Variants in ZNF419 observed in about 807,000 individuals in gnomAD.
ZNF419 encodes the protein zinc finger protein 419A.
Under a neutral mutation model 14.9 loss-of-function variants are expected in ZNF419, and 8 were observed. That is an observed-to-expected ratio of 0.54 (90% CI 0.32 to 0.97). The LOEUF is 0.97. Ranked by LOEUF, ZNF419 falls within the 50% of genes least tolerant of loss-of-function variation. The pLI is 0.04. For missense variants in ZNF419, 595 were observed against 607.2 expected (o/e 0.98, Z 0.21); for synonymous variants, 211 against 205.3 (o/e 1.03, Z -0.24).
rs1374176360 is a variant in ZNF419 at position 57,491,486 on chromosome 19, G to A, written c.88G>A (p.Glu30Lys). 6.8e-6 allele frequency: 11 copies of A among 1,613,988 alleles called. No homozygotes were observed. The highest frequency in any genetic ancestry group is 1.7e-5 in the Admixed American group (1 of 60,006). ...ATCTTAGCAGGGCTATGTGACCTTT[G>A]AGGATGTGGCTGTCTACTTCTCCCA... ...TDHEEGYVTF[E>K]DVAVYFSQEE... The change falls in exon 3 of 5, where the codon GAG becomes AAG. Residue 30 changes from glutamate to lysine, a missense_variant. Transcript: ENST00000221735.
rs1041420033 is a variant in ZNF419 at position 57,494,406 on chromosome 19, G to C, written c.*316G>C. 1 of 301,348 alleles carries C rather than the reference G, an allele frequency of 3.3e-6. No homozygotes were observed. Among genetic ancestry groups the C allele is most frequent in the Non-Finnish European group, 5.9e-6 (1 of 169,118 alleles). 18.7% of individuals were successfully genotyped at this position (301,348 alleles called of 1,614,324 possible). A position where few individuals can be genotyped will look rare whatever the true frequency, so the allele number is the denominator to read the frequency against. ...GGCCTTTATGAGGGAGCTGGCAATT[G>C]AACATCATTCATCTAAATATGCACA... On this transcript the variant is annotated 3_prime_UTR_variant, in exon 5 of 5. Transcript: ENST00000221735.
In ZNF419 at chr19:57,490,188, A is replaced by T; in HGVS notation, c.72+3A>T. On this transcript the variant is annotated splice_donor_region_variant and intron_variant, in intron 2 of 4. Transcript: ENST00000221735. ...ACTTGCTTACAGACCATGAGGAGGT[A>T]AGTGGAGGATGTCTCAGGTCCTCAC... The T allele has an allele frequency of 6.2e-7, 1 of 1,613,420 alleles. No individual in the cohort carries two copies. Among genetic ancestry groups the T allele is most frequent in the Non-Finnish European group, 8.5e-7 (1 of 1,179,746 alleles).
rs2089588592 is a variant in ZNF419, at chr19:57,494,748, T to A, written c.*658T>A. 1 of 176,834 alleles carries A rather than the reference T, an allele frequency of 5.7e-6. No individual in the cohort carries two copies. The highest frequency in any genetic ancestry group is 2.4e-5 in the African/African-American group (1 of 42,406). The allele number at this position is 176,834 out of a possible 1,614,324, so 11.0% of individuals were successfully genotyped here. On this transcript the variant is annotated 3_prime_UTR_variant, in exon 5 of 5. Transcript: ENST00000221735. ...CTGTGTAACAGGTCTGCAAAGCTCC[T>A]CATTCAGTTATTCTGTAAGTTGATC...
chr19:57,491,133 C>A (rs2089471632), intron 2 of ZNF419: 1 of 350,110 alleles, frequency 2.9e-6, no homozygotes, highest in Non-Finnish European at 5.4e-6. Context: ...AACAGATGTC[C>A]CCAGGACCTT....
rs751236041 is a variant in ZNF419 at position 57,492,714 on chromosome 19, C to T, written c.299-142C>T. On this transcript the variant is annotated intron_variant, in intron 4 of 4. Coordinates refer to ENST00000221735, the MANE Select transcript of ZNF419 (RefSeq NM_024691.4). ...CAGATTCAGCACTGCACAGCAGGCC[C>T]TTCCCTGCTGAGAGCTAGCCCTCTT... 1.1e-5 allele frequency: 13 copies of T among 1,182,966 alleles called. No individual in the cohort carries two copies. The South Asian group carries it at 1.6e-4, about 14-fold the overall frequency. 73.3% of individuals were successfully genotyped at this position (1,182,966 alleles called of 1,614,324 possible). A position where few individuals can be genotyped will look rare whatever the true frequency, so the allele number is the denominator to read the frequency against.
chr19:57,493,012 T>G lies in ZNF419; in HGVS notation c.455T>G (p.Val152Gly). The change falls in exon 5 of 5, where the codon GTT (valine) becomes GGT (glycine). Residue 152 changes from valine (V) to glycine (G), a missense_variant. By Grantham distance (109) the Val-to-Gly change is moderately radical. Coordinates refer to ENST00000221735, the MANE Select transcript of ZNF419 (RefSeq NM_024691.4). ...GRVPVLRSCK[V>G]HLSEKSLQSR... ...GTCCCAGTTTTGAGGAGTTGCAAAG[T>G]TCACCTATCAGAGAAGTCCTTGCAA... 1 of 1,614,084 alleles carries G rather than the reference T, an allele frequency of 6.2e-7. No homozygotes were observed. Among genetic ancestry groups the G allele is most frequent in the Non-Finnish European group, 8.5e-7 (1 of 1,180,022 alleles).
rs746662149 is a variant in ZNF419 at position 57,493,937 on chromosome 19, T to C, written c.1380T>C (p.Cys460=). 5.0e-6 allele frequency: 8 copies of C among 1,613,932 alleles called. No individual in the cohort carries two copies. In the South Asian group the frequency reaches 7.7e-5, roughly 16 times the overall value. The part of the protein sequence containing the change: ...IGEKPFKCNE[C]GRLFRENSSL... Reference sequence around the variant, plus strand: ...AAAAGCCTTTTAAGTGCAATGAATGTGGGAGATTGTTTAGAGAGAATTCCA... The same window carrying C: ...AAAAGCCTTTTAAGTGCAATGAATGCGGGAGATTGTTTAGAGAGAATTCCA... Residue 460 remains cysteine, a synonymous_variant, in exon 5 of 5, where the codon TGT becomes TGC. Transcript: ENST00000221735.
Position 57,494,002 on chromosome 19 carries a change from C to A in ZNF419, c.1445C>A (p.Pro482His), listed in dbSNP as rs1184870981. The change falls in exon 5 of 5, where the codon CCT becomes CAT. Residue 482 changes from proline to histidine, a missense_variant. Coordinates refer to ENST00000221735, the MANE Select transcript of ZNF419 (RefSeq NM_024691.4). ...KHQRVHTGAKPYECRECGKFF... is the reference protein window; with the variant it reads ...KHQRVHTGAKHYECRECGKFF... ...CAGAGGGTTCACACTGGAGCAAAGC[C>A]TTATGAGTGCAGGGAATGTGGGAAG... 2 of 1,614,202 alleles carry A rather than the reference C, an allele frequency of 1.2e-6. No homozygotes were observed. Among genetic ancestry groups the A allele is most frequent in the Non-Finnish European group, 1.7e-6 (2 of 1,180,038 alleles).
intron 4 of ZNF419, 121 bp from the exon 5 acceptor site, chr19:57,492,735 C>T (rs781616579): frequency 7.4e-7 from 1 of 1,344,852 alleles, no homozygotes. Flanking sequence ...AGAGCTAGCC[C>T]TCTTTATTTC....
chr19:57,491,509 C>T lies in ZNF419; in HGVS notation c.111C>T (p.Ser37=). Residue 37 remains serine, a synonymous_variant, in exon 3 of 5, where the codon TCC becomes TCT. Coordinates refer to ENST00000221735, the MANE Select transcript of ZNF419 (RefSeq NM_024691.4). ...TTGAGGATGTGGCTGTCTACTTCTC[C>T]CAGGAGGAATGGAGATTGCTTGATG... ...VTFEDVAVYF[S]QEEWRLLDDA... The T allele has an allele frequency of 1.2e-6, 2 of 1,614,102 alleles. No homozygotes were observed. The highest frequency in any genetic ancestry group is 1.7e-6 in the Non-Finnish European group (2 of 1,180,028).
Position 57,491,475 on chromosome 19 carries a change from A to T in ZNF419, c.77A>T (p.Tyr26Phe), listed in dbSNP as rs1419309610. Residue 26 changes from tyrosine (Y) to phenylalanine (F), a missense_variant, in exon 3 of 5, where the codon TAT (tyrosine) becomes TTT (phenylalanine). Physicochemically the swap from Tyr to Phe is conservative, Grantham distance 22. Coordinates refer to ENST00000221735, the MANE Select transcript of ZNF419 (RefSeq NM_024691.4). ...CTACTCTGTCCATCTTAGCAGGGCTATGTGACCTTTGAGGATGTGGCTGTC... is the reference window on the plus strand; with the variant it reads ...CTACTCTGTCCATCTTAGCAGGGCTTTGTGACCTTTGAGGATGTGGCTGTC... ...ADLLTDHEEG[Y>F]VTFEDVAVYF... 2 of 1,614,006 alleles carry T rather than the reference A, an allele frequency of 1.2e-6. No individual in the cohort carries two copies. The highest frequency in any genetic ancestry group is 2.7e-5 in the African/African-American group (2 of 74,906).
intron 4 of ZNF419, 66 bp from the exon 5 acceptor site, chr19:57,492,790 C>T (rs2074075): frequency 0.7 from 1,121,269 of 1,601,166 alleles, 393,779 homozygotes; most frequent in South Asian, 0.79. Context: ...TTAGACACAT[C>T]TGTGAGAGTG....
At chr19:57,492,250 G>T in intron 4 of ZNF419, 39 bp downstream of exon 4, 1 of 1,591,244 alleles carries the variant, frequency 6.3e-7, no homozygotes, top group Non-Finnish European at 8.6e-7. Context: ...GTGAACTCAG[G>T]GATGGATTCA....
At chr19:57,490,042 A>C in intron 1 of ZNF419, 105 bp from the exon 2 acceptor site, 1 of 1,061,522 alleles carries the variant, frequency 9.4e-7, no homozygotes, top group Non-Finnish European at 1.4e-6. Flanking sequence ...ACCAAAGCCC[A>C]GATTGTAGAT....
Position 57,493,589 on chromosome 19 carries a change from G to C in ZNF419, c.1032G>C (p.Lys344Asn). 6.2e-7 allele frequency: 1 copy of C among 1,613,456 alleles called. No homozygotes were observed. The change falls in exon 5 of 5, where the codon AAG (lysine) becomes AAC (asparagine). Residue 344 changes from lysine (K) to asparagine (N), a missense_variant. Lys to Asn is a moderately conservative substitution (Grantham distance 94, BLOSUM62 0). Coordinates refer to ENST00000221735, the MANE Select transcript of ZNF419 (RefSeq NM_024691.4). The stretch of plus-strand genomic sequence containing the variant: ...TTCACACTGGAGAAAGACCTTATAA[G>C]TGCAGTGAATGTGGAAAATTCTATA... ...QRIHTGERPY[K>N]CSECGKFYSH...
At position 57,494,688 on chromosome 19, in the gene ZNF419, A is replaced by T. The variant is rs2089587902; in HGVS notation, c.*598A>T. 1 of 176,392 alleles carries T rather than the reference A, an allele frequency of 5.7e-6. No individual in the cohort carries two copies. Among genetic ancestry groups the T allele is most frequent in the East Asian group, 1.6e-4 (1 of 6,252 alleles). 10.9% of individuals were successfully genotyped at this position (176,392 alleles called of 1,614,324 possible). A position where few individuals can be genotyped will look rare whatever the true frequency, so the allele number is the denominator to read the frequency against. On this transcript the variant is annotated 3_prime_UTR_variant, in exon 5 of 5. Transcript: ENST00000221735. ...TACACCCTTATGACCATTTCCAGAG[A>T]CTGAATTGTGTTTTTATAATTTTCA... is the stretch of plus-strand genomic sequence containing the variant.
At position 57,487,841 on chromosome 19, in the gene ZNF419, C is replaced by A; in HGVS notation, c.-110C>A. On this transcript the variant is annotated 5_prime_UTR_variant, in exon 1 of 5. Transcript: ENST00000221735. ...CGCCGGAAGGCACGGTGGCGACTCA[C>A]GCTGTTCTCGCCGCTCAGAGGCGGG... 6.6e-7 allele frequency: 1 copy of A among 1,525,064 alleles called. No homozygotes were observed. Among genetic ancestry groups the A allele is most frequent in the Admixed American group, 1.7e-5 (1 of 58,492 alleles). The allele number at this position is 1,525,064 out of a possible 1,614,324, so 94.5% of individuals were successfully genotyped here.
rs2089577886 is a variant in ZNF419 at position 57,494,201 on chromosome 19, T to A, written c.*111T>A. 4 of 1,443,486 alleles carry A rather than the reference T, an allele frequency of 2.8e-6. No homozygotes were observed. In the East Asian group the frequency reaches 6.9e-5, roughly 25 times the overall value. 89.4% of individuals were successfully genotyped at this position (1,443,486 alleles called of 1,614,324 possible). Reference sequence around the variant, plus strand: ...AAATCCGTTAGCCACACCTCCAGTCTCATTCAACACTGGACAGTTTACAAT... The same window carrying A: ...AAATCCGTTAGCCACACCTCCAGTCACATTCAACACTGGACAGTTTACAAT... On this transcript the variant is annotated 3_prime_UTR_variant, in exon 5 of 5. Transcript: ENST00000221735.
At position 57,487,817 on chromosome 19, in the gene ZNF419, G is replaced by T. The variant is rs2089388356; in HGVS notation, c.-134G>T. 1.6e-5 allele frequency: 21 copies of T among 1,340,460 alleles called. No homozygotes were observed. The highest frequency in any genetic ancestry group is 2.2e-5 in the Non-Finnish European group (21 of 943,036). The allele number at this position is 1,340,460 out of a possible 1,614,324, so 83.0% of individuals were successfully genotyped here. A position where few individuals can be genotyped will look rare whatever the true frequency, so the allele number is the denominator to read the frequency against. ...CTGGTTGTGCGCTGAGGCGACCAGC[G>T]CCGGAAGGCACGGTGGCGACTCACG... On this transcript the variant is annotated 5_prime_UTR_variant, in exon 1 of 5. Transcript: ENST00000221735.
Sources: allele counts gnomAD v4.1 joint callset, GRCh38; gene constraint gnomAD v4.1.1; transcripts MANE v1.5; gene names NCBI Gene and HGNC (gene_info 2026-07-23, HGNC 2026-07-21).